Variants in RBFOX1 observed in about 807,000 individuals in gnomAD.
The protein encoded by RBFOX1 is RNA binding fox-1 homolog 1.
A neutral mutation model predicts 57.7 loss-of-function variants in RBFOX1; 8 were observed. The ratio of observed to expected loss-of-function variants is 0.14; its 90% CI spans 0.08 to 0.25. The LOEUF is 0.25. Among genes scored for constraint, RBFOX1 ranks in the 10% least tolerant of loss-of-function variants. The pLI, the probability that RBFOX1 is intolerant of heterozygous loss-of-function variation, is 1.00. For missense variants in RBFOX1, 611 were observed against 548.5 expected (o/e 1.11, Z -1.14); for synonymous variants, 326 against 222.4 (o/e 1.47, Z -4.15).
intron 3 of RBFOX1, among the ~76,000 whole-genome samples, chr16:5,811,143 A>ATTTTTTTTTTT (rs374827330): frequency 1.9e-5 from 2 of 104,572 alleles, no homozygotes; most frequent in Non-Finnish European, 3.5e-5. Flanking sequence ...TATGGAACAA[A>ATTTTTTTTTTT]TTTTTTTTTT....
chr16:7,442,466 C>A (rs558647285), intron 4 of RBFOX1, among the ~76,000 whole-genome samples: 1 of 152,122 alleles, frequency 6.6e-6, no homozygotes, highest in African/African-American at 2.4e-5. Flanking sequence ...AGCCCTGTGT[C>A]TCAGGGCTCA....
chr16:5,661,859 C>G (rs950245636), intron 3 of RBFOX1, among the ~76,000 whole-genome samples: 2 of 148,312 alleles, frequency 1.3e-5, no homozygotes, highest in African/African-American at 5.0e-5. Context: ...GATCTCGGCT[C>G]ACTGCAACCT....
chr16:7,262,838 T>C (rs773799963), intron 4 of RBFOX1, among the ~76,000 whole-genome samples: 5 of 152,202 alleles, frequency 3.3e-5, no homozygotes, highest in Non-Finnish European at 5.9e-5. Context: ...CTGACTCAGA[T>C]GTGGGGTGTC....
At chr16:7,028,356 G>C (rs2041603574) in intron 3 of RBFOX1, among the ~76,000 whole-genome samples, 1 of 152,060 alleles carries the variant, frequency 6.6e-6, no homozygotes, top group Non-Finnish European at 1.5e-5. Flanking sequence ...GCTGGAGTTA[G>C]ATGGGATGGA....
rs779575719 is a variant in RBFOX1, at chr16:6,893,324, A to G, written c.-15-158733A>G. ...CGGGAAAGAAAGCCCCTAGAGATCA[A>G]ACTCATATAGGTCATCTAAAAATAC... On this transcript the variant is annotated intron_variant, in intron 3 of 15. Coordinates refer to ENST00000550418, the MANE Select transcript of RBFOX1 (RefSeq NM_018723.4). 2.0e-5 allele frequency among the ~76,000 whole-genome samples: 3 copies of G among 152,186 alleles called. 1 individual carries two copies. The highest frequency in any genetic ancestry group is 2.9e-5 in the Non-Finnish European group (2 of 68,040).
chr16:7,011,103 G>T (rs1170985470), intron 3 of RBFOX1, among the ~76,000 whole-genome samples: 2 of 150,914 alleles, frequency 1.3e-5, no homozygotes, highest in Non-Finnish European at 2.9e-5. Flanking sequence ...AAGGGTCACT[G>T]AAAGAAGAGA....
chr16:6,221,208 T>G (rs368675138), intron 1 of RBFOX1, among the ~76,000 whole-genome samples: 1 of 152,232 alleles, frequency 6.6e-6, no homozygotes, highest in South Asian at 2.1e-4. Flanking sequence ...TAGCAATGTA[T>G]ATAACTACTA....
At chr16:7,415,343 A>G (rs2098468305) in intron 4 of RBFOX1, among the ~76,000 whole-genome samples, 1 of 152,202 alleles carries the variant, frequency 6.6e-6, no homozygotes, top group Admixed American at 6.5e-5. Context: ...AACCAGATGG[A>G]GTTCTGGTAT....
intron 2 of RBFOX1, among the ~76,000 whole-genome samples, chr16:6,438,880 G>A (rs4786867): frequency 1.3e-5 from 2 of 152,166 alleles, no homozygotes; most frequent in African/African-American, 4.8e-5. Flanking sequence ...TACTTTGTTA[G>A]TTATCTGCAA....
chr16:7,037,171 T>A (rs889550509), intron 3 of RBFOX1, among the ~76,000 whole-genome samples: 7 of 151,254 alleles, frequency 4.6e-5, no homozygotes, highest in Admixed American at 4.6e-4. Context: ...TCCTATCTTA[T>A]CCTGTGACTT....
chr16:6,263,339 C>T (rs576741533), intron 1 of RBFOX1, among the ~76,000 whole-genome samples: 1 of 152,026 alleles, frequency 6.6e-6, no homozygotes, highest in African/African-American at 2.4e-5. Context: ...ACTGTGGGGC[C>T]GGTGTGGGAT....
intron 3 of RBFOX1, among the ~76,000 whole-genome samples, chr16:6,769,065 T>G (rs912319453): frequency 2.0e-5 from 3 of 152,124 alleles, no homozygotes; most frequent in Admixed American, 6.6e-5. Context: ...TGATATTGTT[T>G]GGCTGTGTCC....
intron 3 of RBFOX1, among the ~76,000 whole-genome samples, chr16:6,861,629 T>G (rs1183730117): frequency 6.6e-6 from 1 of 152,096 alleles, no homozygotes; most frequent in Non-Finnish European, 1.5e-5. Context: ...CATTGGGTCT[T>G]TATGTTGCAA....
intron 4 of RBFOX1, among the ~76,000 whole-genome samples, chr16:7,448,209 C>G (rs760546118): frequency 6.6e-6 from 1 of 152,202 alleles, no homozygotes; most frequent in Non-Finnish European, 1.5e-5. Context: ...GAAACTTATT[C>G]TCTTAGTTCT....
chr16:6,641,926 CCTCTT>C (rs1165449246), intron 2 of RBFOX1, among the ~76,000 whole-genome samples: 3 of 152,106 alleles, frequency 2.0e-5, no homozygotes, highest in African/African-American at 7.2e-5. Flanking sequence ...CTTCTTCCAG[CCTCTT>C]CTCTTTTTTC....
At chr16:7,304,315 C>T in intron 4 of RBFOX1, 2 of 984,976 alleles carry the variant, frequency 2.0e-6, no homozygotes, top group Non-Finnish European at 2.4e-6. Context: ...AAAATTGTAG[C>T]GCCCAGGCAG....
At chr16:5,379,729 A>C (rs538691618) in intron 1 of RBFOX1, among the ~76,000 whole-genome samples, 7 of 152,198 alleles carry the variant, frequency 4.6e-5, no homozygotes, top group Admixed American at 3.9e-4. Flanking sequence ...AGGGGAAAAG[A>C]TGAGGCTCTT....
At chr16:5,551,670 C>T (rs779435284) in intron 2 of RBFOX1, among the ~76,000 whole-genome samples, 47 of 152,008 alleles carry the variant, frequency 3.1e-4, no homozygotes, top group Non-Finnish European at 4.6e-4. Flanking sequence ...CTGGGATACA[C>T]GTGCAGGTTT....
intron 4 of RBFOX1, among the ~76,000 whole-genome samples, chr16:5,983,579 A>G (rs73520276): frequency 0.032 from 4,875 of 152,254 alleles, 245 homozygotes; most frequent in African/African-American, 0.11. Flanking sequence ...CACCCTGGGC[A>G]GGAGGATGGC....
Sources: allele counts gnomAD v4.1 joint callset (sites outside exome capture counted in the v4.1 genomes callset), GRCh38; gene constraint gnomAD v4.1.1; transcripts MANE v1.5; gene names NCBI Gene and HGNC (gene_info 2026-07-23, HGNC 2026-07-21).